Variants in SFXN5 observed in about 807,000 individuals in gnomAD.
The protein encoded by SFXN5 is sideroflexin-5.
SFXN5 carries 43 observed loss-of-function variants against 50.2 expected under a neutral mutation model. The ratio of observed to expected loss-of-function variants is 0.86; its 90% CI spans 0.67 to 1.11. The LOEUF is 1.11. SFXN5 is among the 50% of genes least tolerant of loss of function. SFXN5 has a pLI of 0.00. For synonymous variants in SFXN5, 203 were observed against 185.8 expected (o/e 1.09, Z -0.75); for missense variants, 463 against 454.1 (o/e 1.02, Z -0.18).
chr2:72,963,226 C>T (rs1360066742), intron 12 of SFXN5, among the ~76,000 whole-genome samples: 1 of 152,130 alleles, frequency 6.6e-6, no homozygotes, highest in Non-Finnish European at 1.5e-5. Flanking sequence ...GGGTCCCTGC[C>T]CACAGCCCTG....
intron 10 of SFXN5, among the ~76,000 whole-genome samples, chr2:72,976,469 GA>G (rs1670628566): frequency 6.6e-6 from 1 of 152,150 alleles, no homozygotes; most frequent in Non-Finnish European, 1.5e-5. Context: ...GAACAAATAT[GA>G]GACCTAAGTA....
intron 12 of SFXN5, among the ~76,000 whole-genome samples, chr2:72,965,735 A>C (rs779793353): frequency 1.3e-5 from 2 of 152,174 alleles, no homozygotes; most frequent in Non-Finnish European, 2.9e-5. Flanking sequence ...CCCAAAGCCA[A>C]GTTTAAGCCC....
At chr2:73,065,953 T>A (rs1559223927) in intron 1 of SFXN5, among the ~76,000 whole-genome samples, 1 of 152,154 alleles carries the variant, frequency 6.6e-6, no homozygotes, top group East Asian at 1.9e-4. Flanking sequence ...AAACATGGTG[T>A]CTGGGCCGGA....
intron 12 of SFXN5, among the ~76,000 whole-genome samples, chr2:72,964,923 C>T (rs1349223288): frequency 5.3e-5 from 8 of 152,170 alleles, no homozygotes; most frequent in African/African-American, 1.4e-4. Context: ...GCCATGGATA[C>T]GGAAGGGGGG....
At chr2:73,034,339 T>C (rs528513667) in intron 3 of SFXN5, among the ~76,000 whole-genome samples, 1 of 152,330 alleles carries the variant, frequency 6.6e-6, no homozygotes, top group East Asian at 1.9e-4. Flanking sequence ...CTTCGGCATC[T>C]GACAAACCTG....
chr2:73,016,752 A>C (rs1307975276), intron 6 of SFXN5, among the ~76,000 whole-genome samples: 1 of 152,204 alleles, frequency 6.6e-6, no homozygotes, highest in Non-Finnish European at 1.5e-5. Context: ...AGATATACTG[A>C]GCGAAAAAAA....
At chr2:72,965,393 C>T (rs936381369) in intron 12 of SFXN5, among the ~76,000 whole-genome samples, 50 of 152,178 alleles carry the variant, frequency 3.3e-4, no homozygotes, top group African/African-American at 1.1e-3. Context: ...TCCAAGCCCA[C>T]GTGTGATCCG....
chr2:72,990,890 TAAC>T (rs1672515282), intron 9 of SFXN5, among the ~76,000 whole-genome samples: 3 of 152,122 alleles, frequency 2.0e-5, no homozygotes, highest in African/African-American at 7.2e-5. Context: ...GCTGGGGTCC[TAAC>T]GAGTGGAAAA....
intron 1 of SFXN5, chr2:73,059,312 G>C: frequency 1.2e-5 from 12 of 985,438 alleles, no homozygotes; most frequent in Non-Finnish European, 1.4e-5. Flanking sequence ...CTGAGCTCAA[G>C]GGGAAGACAG....
chr2:73,042,010 T>A (rs1204346778), intron 2 of SFXN5, among the ~76,000 whole-genome samples: 2 of 152,170 alleles, frequency 1.3e-5, no homozygotes, highest in Admixed American at 1.3e-4. Context: ...CAGGAGAACA[T>A]ATTTAAGTAG....
At chr2:72,988,138 T>C (rs994234761) in intron 10 of SFXN5, 120 bp downstream of exon 10, 3 of 828,026 alleles carry the variant, frequency 3.6e-6, no homozygotes, top group Middle Eastern at 3.8e-4. Context: ...ACACCAATTC[T>C]CCCAGCTGGG....
chr2:72,972,224 C>A (rs754916156), intron 10 of SFXN5, among the ~76,000 whole-genome samples: 4 of 152,226 alleles, frequency 2.6e-5, no homozygotes, highest in Non-Finnish European at 5.9e-5. Flanking sequence ...CCCAGCACCA[C>A]CCCCTCATCA....
Position 73,020,230 on chromosome 2 carries a change from A to G in SFXN5, c.357+9T>C. On this transcript the variant is annotated intron_variant, in intron 6 of 13. Transcript: ENST00000272433. ...TTAGAAAAGGAAATCCTTTGAAGGTAACACTTACAATTGGCGTCCCAAAAG... is the reference window on the plus strand; with the variant it reads ...TTAGAAAAGGAAATCCTTTGAAGGTGACACTTACAATTGGCGTCCCAAAAG... 6.2e-7 allele frequency: 1 copy of G among 1,613,636 alleles called. No homozygotes were observed. The highest frequency in any genetic ancestry group is 1.1e-5 in the South Asian group (1 of 91,016).
At chr2:73,030,763 T>C (rs1678205048) in intron 3 of SFXN5, among the ~76,000 whole-genome samples, 1 of 152,334 alleles carries the variant, frequency 6.6e-6, no homozygotes, top group South Asian at 2.1e-4. Flanking sequence ...TGTGACTGTC[T>C]TATCTTTCTG....
At chr2:73,049,099 G>T (rs1337829358) in intron 2 of SFXN5, 1 of 152,184 alleles carries the variant, frequency 6.6e-6, no homozygotes, top group Non-Finnish European at 1.5e-5. Context: ...ATAACAGAAT[G>T]CCACAGACTA....
chr2:72,980,370 T>A (rs768530806), intron 10 of SFXN5, among the ~76,000 whole-genome samples: 6 of 152,166 alleles, frequency 3.9e-5, no homozygotes, highest in Non-Finnish European at 7.3e-5. Context: ...ACTCTCTCTC[T>A]CACACTCGAA....
chr2:73,058,638 C>T (rs752916948), intron 1 of SFXN5, 42 bp from the exon 2 acceptor site: 3 of 1,578,042 alleles, frequency 1.9e-6, no homozygotes, highest in Non-Finnish European at 2.6e-6. Flanking sequence ...GGATCAGCTG[C>T]TGCACACCCT....
chr2:73,001,837 A>G (rs1010834188), intron 6 of SFXN5, among the ~76,000 whole-genome samples: 4 of 152,232 alleles, frequency 2.6e-5, no homozygotes, highest in African/African-American at 7.2e-5. Flanking sequence ...AAACACATGC[A>G]TACACACATT....
At chr2:73,005,418 C>A (rs1674509124) in intron 6 of SFXN5, among the ~76,000 whole-genome samples, 1 of 152,186 alleles carries the variant, frequency 6.6e-6, no homozygotes, top group Non-Finnish European at 1.5e-5. Context: ...CATTTACCAG[C>A]TATGTGACCA....
Sources: gnomAD v4.1 joint callset for allele counts (sites outside exome capture counted in the v4.1 genomes callset) on GRCh38, gnomAD v4.1.1 for gene constraint, MANE v1.5 for transcripts, NCBI Gene and HGNC (gene_info 2026-07-23, HGNC 2026-07-21) for gene names.